ZNF292: variants seen among roughly 807,000 people sequenced by gnomAD.
ZNF292 encodes the protein zinc finger protein 292.
A neutral mutation model predicts 217.9 loss-of-function variants in ZNF292; 26 were observed. That is an observed-to-expected ratio of 0.12 (90% CI 0.09 to 0.17). The LOEUF (loss-of-function observed/expected upper bound fraction) is 0.17, where lower values mean the gene tolerates loss of function less well. ZNF292 is among the 10% of genes least tolerant of loss of function. The pLI is 1.00. For missense variants in ZNF292, 2,904 were observed against 3,175.2 expected (o/e 0.91, Z 2.05); for synonymous variants, 1,257 against 1,124.1 (o/e 1.12, Z -2.37).
chr6:87,188,162 C>G (rs550130760), intron 1 of ZNF292, among the ~76,000 whole-genome samples: 1 of 152,186 alleles, frequency 6.6e-6, no homozygotes, highest in Non-Finnish European at 1.5e-5. Flanking sequence ...GCCAGTTGTA[C>G]ATGAAAAACA....
intron 1 of ZNF292, among the ~76,000 whole-genome samples, chr6:87,197,722 C>CA (rs11312557): frequency 0.073 from 5,634 of 77,200 alleles, 277 homozygotes; most frequent in Non-Finnish European, 0.1. Context: ...CTCGCTGTTT[C>CA]AAAAAAAAAA....
At position 87,260,554 on chromosome 6, in the gene ZNF292, G is replaced by A. The variant is rs1470035877; in HGVS notation, c.6925G>A (p.Glu2309Lys). 3.1e-6 allele frequency: 5 copies of A among 1,612,804 alleles called. No individual in the cohort carries two copies. The South Asian group carries it at 3.3e-5, about 11-fold the overall frequency. Residue 2309 changes from glutamate to lysine, a missense_variant, in exon 8 of 8, where the codon GAA becomes AAA. Transcript: ENST00000369577. ...QENMSSKANQ[E>K]KSKSKHRGTK... The stretch of plus-strand genomic sequence containing the variant: ...AAATATGTCAAGCAAGGCAAACCAA[G>A]AAAAATCAAAGTCTAAACATCGGGG...
chr6:87,176,526 GA>G (rs1273437132), intron 1 of ZNF292, among the ~76,000 whole-genome samples: 1 of 152,144 alleles, frequency 6.6e-6, no homozygotes, highest in Non-Finnish European at 1.5e-5. Context: ...AGAAGGGTGG[GA>G]GGAGGTCAGA....
chr6:87,164,915 A>G (rs1040209911), intron 1 of ZNF292, among the ~76,000 whole-genome samples: 6 of 148,800 alleles, frequency 4.0e-5, no homozygotes, highest in Non-Finnish European at 7.4e-5. Context: ...GGCATGTGCC[A>G]CCATGCCCGT....
At chr6:87,178,857 G>A (rs1165437490) in intron 1 of ZNF292, among the ~76,000 whole-genome samples, 1 of 152,130 alleles carries the variant, frequency 6.6e-6, no homozygotes. Flanking sequence ...AAGAAAACTT[G>A]AATCTTTTGA....
intron 1 of ZNF292, among the ~76,000 whole-genome samples, chr6:87,195,148 T>G (rs1562133326): frequency 6.6e-6 from 1 of 152,232 alleles, no homozygotes; most frequent in African/African-American, 2.4e-5. Context: ...AGTACTATTT[T>G]TATTTAACAT....
At chr6:87,203,597 AG>A (rs146512700) in intron 1 of ZNF292, among the ~76,000 whole-genome samples, 13,786 of 151,252 alleles carry the variant, frequency 0.091, 1,107 homozygotes, top group African/African-American at 0.22. Flanking sequence ...TGTATCTGCA[AG>A]GGGGGGTGGG....
At chr6:87,166,273 G>T (rs758199010) in intron 1 of ZNF292, among the ~76,000 whole-genome samples, 3 of 152,114 alleles carry the variant, frequency 2.0e-5, no homozygotes, top group Non-Finnish European at 2.9e-5. Flanking sequence ...AAGCATATCT[G>T]TTCATTTTAC....
At chr6:87,161,595 T>A (rs1371302142) in intron 1 of ZNF292, among the ~76,000 whole-genome samples, 1 of 152,188 alleles carries the variant, frequency 6.6e-6, no homozygotes, top group East Asian at 1.9e-4. Flanking sequence ...TTAAAATTTT[T>A]TGTGGAGACA....
intron 7 of ZNF292, among the ~76,000 whole-genome samples, chr6:87,246,284 A>G (rs1287967467): frequency 1.3e-5 from 2 of 152,252 alleles, no homozygotes; most frequent in African/African-American, 4.8e-5. Context: ...AAAGAAAAAT[A>G]TATAGTGCTA....
Position 87,261,574 on chromosome 6 carries a change from G to A in ZNF292, c.7945G>A (p.Glu2649Lys), listed in dbSNP as rs752678527. ...GNHVCPCKES[E>K]TFVQFANPSQ... ...TCATGTATGTCCTTGTAAAGAAAGC[G>A]AAACGTTTGTACAGTTTGCCAATCC... The change falls in exon 8 of 8, where the codon GAA becomes AAA. Residue 2649 changes from glutamate (E) to lysine (K), a missense_variant. Coordinates refer to ENST00000369577, the MANE Select transcript of ZNF292 (RefSeq NM_015021.3). The A allele has an allele frequency of 1.4e-5, 22 of 1,610,516 alleles. No homozygotes were observed. The highest frequency in any genetic ancestry group is 2.7e-5 in the African/African-American group (2 of 74,812).
At position 87,261,060 on chromosome 6, in the gene ZNF292, A is replaced by G; in HGVS notation, c.7431A>G (p.Glu2477=). ...TVSQKEVEKN[E]KDEMDELTEL... ...CACAAAAGGAAGTTGAAAAAAATGA[A>G]AAAGATGAAATGGATGAACTAACAG... The change falls in exon 8 of 8, where the codon GAA becomes GAG. Residue 2477 remains glutamate (E), a synonymous_variant. Transcript: ENST00000369577. The G allele has an allele frequency of 6.2e-7, 1 of 1,605,558 alleles. No homozygotes were observed. The highest frequency in any genetic ancestry group is 8.5e-7 in the Non-Finnish European group (1 of 1,175,616).
At chr6:87,253,863 C>T (rs1775062132) in intron 7 of ZNF292, among the ~76,000 whole-genome samples, 1 of 152,148 alleles carries the variant, frequency 6.6e-6, no homozygotes, top group Non-Finnish European at 1.5e-5. Flanking sequence ...TCATTGTTCC[C>T]TTCTGGTCTT....
chr6:87,226,411 G>A (rs1773344788), intron 4 of ZNF292, among the ~76,000 whole-genome samples: 1 of 151,960 alleles, frequency 6.6e-6, no homozygotes, highest in Non-Finnish European at 1.5e-5. Flanking sequence ...TTTAGCAGGA[G>A]AGGGGATGGG....
At chr6:87,238,851 T>G (rs1057262458) in intron 5 of ZNF292, among the ~76,000 whole-genome samples, 1 of 151,348 alleles carries the variant, frequency 6.6e-6, no homozygotes, top group Non-Finnish European at 1.5e-5. Context: ...TTTGTGTCCC[T>G]GGATACTTGA....
chr6:87,174,987 G>C (rs768634597), intron 1 of ZNF292, among the ~76,000 whole-genome samples: 6 of 152,146 alleles, frequency 3.9e-5, no homozygotes, highest in Non-Finnish European at 7.4e-5. Context: ...AGGAAGAAGT[G>C]GCTGTTCCCT....
At chr6:87,197,857 A>T (rs908903358) in intron 1 of ZNF292, among the ~76,000 whole-genome samples, 7 of 151,116 alleles carry the variant, frequency 4.6e-5, no homozygotes, top group African/African-American at 1.7e-4. Flanking sequence ...TCAGTCTTTG[A>T]TTCTGGGTTA....
intron 7 of ZNF292, chr6:87,249,423 T>A: frequency 3.1e-6 from 1 of 317,816 alleles, no homozygotes; most frequent in Non-Finnish European, 6.5e-6. Flanking sequence ...CCACCACACA[T>A]GACCTTCGCA....
chr6:87,256,542 T>C lies in ZNF292; in HGVS notation c.2913T>C (p.His971=), dbSNP rs1455485731. Residue 971 remains histidine (H), a synonymous_variant, in exon 8 of 8, where the codon CAT becomes CAC. Transcript: ENST00000369577. ...GSGEALVTDL[H]TPVEDTCNDL... ...GTGAAGCACTGGTCACAGACTTACA[T>C]ACGCCAGTTGAAGATACTTGTAATG... 1.2e-6 allele frequency: 2 copies of C among 1,613,292 alleles called. No individual in the cohort carries two copies. The highest frequency in any genetic ancestry group is 2.7e-5 in the African/African-American group (2 of 74,944).
Sources: gnomAD v4.1 joint callset for allele counts (sites outside exome capture counted in the v4.1 genomes callset) on GRCh38, gnomAD v4.1.1 for gene constraint, MANE v1.5 for transcripts, NCBI Gene and HGNC (gene_info 2026-07-23, HGNC 2026-07-21) for gene names.